The following ABCG2 variants were observed in gnomAD, a reference collection of about 807,000 sequenced individuals.
ABCG2 encodes broad substrate specificity ATP-binding cassette transporter ABCG2.
Under a neutral mutation model 73.5 loss-of-function variants are expected in ABCG2, and 80 were observed. The observed-to-expected ratio is 1.09, with a 90% confidence interval of 0.91 to 1.31. The LOEUF (loss-of-function observed/expected upper bound fraction) is 1.31. Among genes scored for constraint, ABCG2 ranks in the 50% most tolerant of loss-of-function variants. The pLI is 0.00. For missense variants in ABCG2, 796 were observed against 786.2 expected (o/e 1.01, Z -0.15); for synonymous variants, 269 against 282.4 (o/e 0.95, Z 0.48).
At chr4:88,186,874 C>A (rs1209001743) in intron 1 of ABCG2, among the ~76,000 whole-genome samples, 7 of 137,168 alleles carry the variant, frequency 5.1e-5, no homozygotes, top group Non-Finnish European at 7.7e-5. Context: ...AGCCGAGATC[C>A]CGCCACTGCA....
At chr4:88,114,308 C>T (rs1723372081) in intron 8 of ABCG2, among the ~76,000 whole-genome samples, 1 of 151,912 alleles carries the variant, frequency 6.6e-6, no homozygotes, top group Non-Finnish European at 1.5e-5. Context: ...GACTTCTTAC[C>T]ATATAGTTCT....
At chr4:88,197,478 T>C (rs1164933223) in intron 1 of ABCG2, among the ~76,000 whole-genome samples, 1 of 151,632 alleles carries the variant, frequency 6.6e-6, no homozygotes. Context: ...TACCTGGGCA[T>C]GGTGGCATAT....
chr4:88,160,371 G>A (rs1727241146), upstream of ABCG2, among the ~76,000 whole-genome samples: 1 of 151,954 alleles, frequency 6.6e-6, no homozygotes, highest in African/African-American at 2.4e-5. Flanking sequence ...TAAGTGAAAA[G>A]AATAAAATTT....
At chr4:88,103,867 T>A (rs572769839) in intron 10 of ABCG2, among the ~76,000 whole-genome samples, 2 of 152,224 alleles carry the variant, frequency 1.3e-5, no homozygotes, top group East Asian at 3.9e-4. Flanking sequence ...CATAATATTC[T>A]CCAATTACAT....
At chr4:88,186,918 CAA>C (rs35676506) in intron 1 of ABCG2, among the ~76,000 whole-genome samples, 18 of 76,300 alleles carry the variant, frequency 2.4e-4, no homozygotes, top group Admixed American at 4.8e-4. Context: ...GACTCCGTCT[CAA>C]AAAAAAAAAA....
rs755469457 is a variant in ABCG2 at position 88,092,331 on chromosome 4, C to T, written c.1871G>A (p.Trp624Ter). ...LVKQGIDLSP[W>*]GLWKNHVALA... is the part of the protein sequence containing the mutation. ...GGCCACGTGATTCTTCCACAAGCCC[C>T]AGGGTGAGAGATCGATGCCCTGCTT... Residue 624 changes from tryptophan (W) to a stop codon, truncating the protein, a stop_gained, in exon 16 of 16, where the codon TGG becomes TAG. Transcript: ENST00000237612. LOFTEE classifies it high-confidence loss of function. 5.0e-6 allele frequency: 8 copies of T among 1,613,792 alleles called. No homozygotes were observed. The Admixed American group carries it at 1.3e-4, about 27-fold the overall frequency.
chr4:88,230,673 A>G (rs72661638), intron 1 of ABCG2, among the ~76,000 whole-genome samples: 5 of 152,204 alleles, frequency 3.3e-5, no homozygotes, highest in Non-Finnish European at 7.4e-5. Context: ...AACATAAATC[A>G]TGTGTTCAGC....
intron 1 of ABCG2, among the ~76,000 whole-genome samples, chr4:88,198,086 C>A (rs1273608006): frequency 6.8e-6 from 1 of 147,718 alleles, no homozygotes; most frequent in African/African-American, 2.5e-5. Flanking sequence ...CATGCCTGCA[C>A]TTTGGGAGGC....
intron 1 of ABCG2, chr4:88,223,889 A>G (rs1730100180): frequency 6.7e-6 from 1 of 149,114 alleles, no homozygotes; most frequent in Non-Finnish European, 1.5e-5. Context: ...TTTTTTTTCA[A>G]ATAATGGCCA....
intron 1 of ABCG2, among the ~76,000 whole-genome samples, chr4:88,227,068 C>T (rs1049734427): frequency 2.6e-5 from 4 of 152,118 alleles, no homozygotes; most frequent in Non-Finnish European, 5.9e-5. Context: ...CCACTGCACT[C>T]CCGCCTGGGT....
intron 1 of ABCG2, chr4:88,223,627 G>A (rs1044269033): frequency 6.6e-6 from 1 of 152,346 alleles, no homozygotes; most frequent in African/African-American, 2.4e-5. Flanking sequence ...CCAGTCTCAG[G>A]TATTTCTTCA....
intron 13 of ABCG2, 113 bp downstream of exon 13, chr4:88,097,340 C>G: frequency 8.1e-7 from 1 of 1,232,174 alleles, no homozygotes. Context: ...TTAAGTAAAG[C>G]AGAGCCCCAT....
chr4:88,206,988 T>C (rs1463870046), intron 1 of ABCG2, among the ~76,000 whole-genome samples: 1 of 152,064 alleles, frequency 6.6e-6, no homozygotes, highest in African/African-American at 2.4e-5. Context: ...AGAGACGGGG[T>C]TTCACCATGT....
At chr4:88,095,722 C>A in intron 13 of ABCG2, 113 bp from the exon 14 acceptor site, 4 of 824,148 alleles carry the variant, frequency 4.9e-6, no homozygotes, top group South Asian at 4.7e-5. Context: ...TTAAAACCAA[C>A]TCTTTCTTGA....
At chr4:88,113,801 A>C (rs1429208297) in intron 8 of ABCG2, among the ~76,000 whole-genome samples, 1 of 151,818 alleles carries the variant, frequency 6.6e-6, no homozygotes, top group East Asian at 1.9e-4. Context: ...TCTCTACTGA[A>C]AATACAAAAA....
rs374777428 is a variant in ABCG2 at position 88,093,138 on chromosome 4, G to A, written c.1821-757C>T. On this transcript the variant is annotated intron_variant, in intron 15 of 15. Coordinates refer to ENST00000237612, the MANE Select transcript of ABCG2 (RefSeq NM_004827.3). ...CCTTGGACAGCCACAGTTACTGCCT[G>A]ATACCATTTTTGTGCAACTCTTGGG... 3.1e-4 allele frequency among the ~76,000 whole-genome samples: 47 copies of A among 152,334 alleles called. No homozygotes were observed. In the South Asian group the frequency reaches 9.7e-3, roughly 32 times the overall value.
intron 1 of ABCG2, among the ~76,000 whole-genome samples, chr4:88,174,726 A>C (rs1018656430): frequency 2.0e-5 from 3 of 152,088 alleles, no homozygotes; most frequent in African/African-American, 7.2e-5. Flanking sequence ...GAAGCTCTTT[A>C]GTTTACTTAG....
At chr4:88,209,176 C>T (rs142076858) in intron 1 of ABCG2, among the ~76,000 whole-genome samples, 3 of 150,044 alleles carry the variant, frequency 2.0e-5, no homozygotes, top group East Asian at 2.0e-4. Flanking sequence ...TAAGTGTGGT[C>T]GCACACACCT....
At chr4:88,095,372 C>G (rs75950430) in intron 14 of ABCG2, 148 bp downstream of exon 14, 17 of 684,746 alleles carry the variant, frequency 2.5e-5, no homozygotes, top group Non-Finnish European at 3.8e-5. Flanking sequence ...CCAAGGCTAA[C>G]AGGAAATTCT....
Sources: gnomAD v4.1 joint callset for allele counts (sites outside exome capture counted in the v4.1 genomes callset) on GRCh38, gnomAD v4.1.1 for gene constraint, MANE v1.5 for transcripts, NCBI Gene and HGNC (gene_info 2026-07-23, HGNC 2026-07-21) for gene names.